Variants in RAD51D observed in about 807,000 individuals in gnomAD.
The protein encoded by RAD51D is DNA repair protein RAD51 homolog 4.
RAD51D carries 38 observed loss-of-function variants against 44.1 expected under a neutral mutation model. The observed-to-expected ratio is 0.86, with a 90% CI of 0.67 to 1.13. RAD51D has a LOEUF of 1.13. Ranked by LOEUF, RAD51D falls within the 50% of genes most tolerant of loss-of-function variation. RAD51D has a pLI of 0.00. For synonymous variants in RAD51D, 141 were observed against 166.6 expected (o/e 0.85, Z 1.18); for missense variants, 390 against 414.0 (o/e 0.94, Z 0.50).
In RAD51D at chr17:35,098,820, C is replaced by G. The variant is rs2091505319; in HGVS notation, c.*2133G>C. ...CCTTTTTGAGCCTCAGGTACCTTCT[C>G]TGTTAAGTAACAGGATGGGCCAGAT... On this transcript the variant is annotated 3_prime_UTR_variant, in exon 10 of 10. Coordinates refer to ENST00000345365, the MANE Select transcript of RAD51D (RefSeq NM_002878.4). 6.6e-6 allele frequency: 1 copy of G among 152,062 alleles called. No individual in the cohort carries two copies. The highest frequency in any genetic ancestry group is 1.5e-5 in the Non-Finnish European group (1 of 68,062). 9.4% of individuals were successfully genotyped at this position (152,062 alleles called of 1,614,324 possible).
chr17:35,114,145 G>A (rs1322564159), intron 3 of RAD51D, among the ~76,000 whole-genome samples: 6 of 152,024 alleles, frequency 3.9e-5, no homozygotes, highest in Non-Finnish European at 7.4e-5. Context: ...GGTGGCGGGC[G>A]CCTGTAGTCC....
intron 6 of RAD51D, 116 bp downstream of exon 6, chr17:35,106,270 T>C: frequency 1.2e-6 from 1 of 850,088 alleles, no homozygotes; most frequent in East Asian, 2.4e-5. Flanking sequence ...CAAGCATAGT[T>C]GGAGTCACCA....
rs1597852192 is a variant in RAD51D at position 35,096,376 on chromosome 17, C to G, written c.*4577G>C. On this transcript the variant is annotated 3_prime_UTR_variant, in exon 10 of 10. Transcript: ENST00000345365. ...TTTAAAGGACACACAGGAGGCGATCCTTCTCCTGCCTGTAGATATTGTCAC... is the reference window on the plus strand; with the variant it reads ...TTTAAAGGACACACAGGAGGCGATCGTTCTCCTGCCTGTAGATATTGTCAC... 6.6e-6 allele frequency: 1 copy of G among 152,126 alleles called. No individual in the cohort carries two copies. The highest frequency in any genetic ancestry group is 2.4e-5 in the African/African-American group (1 of 41,424). The allele number at this position is 152,126 out of a possible 1,614,324, so 9.4% of individuals were successfully genotyped here.
chr17:35,114,651 C>T (rs1321313004), intron 3 of RAD51D, among the ~76,000 whole-genome samples: 1 of 152,000 alleles, frequency 6.6e-6, no homozygotes, highest in Non-Finnish European at 1.5e-5. Flanking sequence ...GATTGTGCAC[C>T]ACTGCACTCC....
At chr17:35,113,504 G>C (rs781635281) in intron 3 of RAD51D, 1 of 384,972 alleles carries the variant, frequency 2.6e-6, no homozygotes, top group South Asian at 1.9e-5. Flanking sequence ...CCTGACCTCA[G>C]GTGACCCACT....
chr17:35,100,702 C>T lies in RAD51D; in HGVS notation c.*251G>A, dbSNP rs1289209596. 2 of 626,426 alleles carry T rather than the reference C, an allele frequency of 3.2e-6. No homozygotes were observed. The highest frequency in any genetic ancestry group is 5.9e-6 in the Non-Finnish European group (2 of 341,730). The allele number at this position is 626,426 out of a possible 1,614,324, so 38.8% of individuals were successfully genotyped here. ...GAACTTGGTTTCCACCAGAAACATACACGTTAGAAATAAGGGAAGGAAACG... is the reference window on the plus strand; with the variant it reads ...GAACTTGGTTTCCACCAGAAACATATACGTTAGAAATAAGGGAAGGAAACG... On this transcript the variant is annotated 3_prime_UTR_variant, in exon 10 of 10. Coordinates refer to ENST00000345365, the MANE Select transcript of RAD51D (RefSeq NM_002878.4).
intron 8 of RAD51D, among the ~76,000 whole-genome samples, chr17:35,102,192 T>G (rs1428035957): frequency 6.6e-6 from 1 of 151,676 alleles, no homozygotes; most frequent in Non-Finnish European, 1.5e-5. Flanking sequence ...GTTTGTTTGT[T>G]TTTGAGATGA....
rs549511729 is a variant in RAD51D at position 35,109,025 on chromosome 17, C to T, written c.264-1578G>A. Among the ~76,000 whole-genome samples, 554 of 152,164 alleles carry T rather than the reference C, an allele frequency of 3.6e-3. 4 individuals are homozygous for T. Among genetic ancestry groups the T allele is most frequent in the African/African-American group, 0.012 (502 of 41,514 alleles). On this transcript the variant is annotated intron_variant, in intron 3 of 9. Coordinates refer to ENST00000345365, the MANE Select transcript of RAD51D (RefSeq NM_002878.4). ...GGGATTACAGGCGCCCACCACCACA[C>T]CTGGATAATTTTTGTATTTTTAGTA...
rs1404561973 is a variant in RAD51D at position 35,098,126 on chromosome 17, C to T, written c.*2827G>A. On this transcript the variant is annotated 3_prime_UTR_variant, in exon 10 of 10. Coordinates refer to ENST00000345365, the MANE Select transcript of RAD51D (RefSeq NM_002878.4). Reference sequence around the variant, plus strand: ...TGGTCTCAAGTAGCAGTGAATGCAACACCTTCCCATGGCCACAGAAACTCC... The same window carrying T: ...TGGTCTCAAGTAGCAGTGAATGCAATACCTTCCCATGGCCACAGAAACTCC... 1.3e-5 allele frequency: 2 copies of T among 152,332 alleles called. No individual in the cohort carries two copies. The highest frequency in any genetic ancestry group is 2.9e-5 in the Non-Finnish European group (2 of 68,148). The allele number at this position is 152,332 out of a possible 1,614,324, so 9.4% of individuals were successfully genotyped here.
intron 3 of RAD51D, among the ~76,000 whole-genome samples, chr17:35,108,348 T>A (rs1266259251): frequency 2.6e-5 from 4 of 151,730 alleles, no homozygotes; most frequent in Non-Finnish European, 5.9e-5. Flanking sequence ...TTCACCTGGT[T>A]TACCTTAATA....
At chr17:35,114,899 G>C (rs750998889) in intron 3 of RAD51D, among the ~76,000 whole-genome samples, 5 of 152,140 alleles carry the variant, frequency 3.3e-5, no homozygotes, top group Admixed American at 1.3e-4. Context: ...AATATCTCAA[G>C]TTTCCCAGAT....
chr17:35,104,375 T>C (rs1416855782), intron 6 of RAD51D, among the ~76,000 whole-genome samples: 1 of 152,198 alleles, frequency 6.6e-6, no homozygotes, highest in African/African-American at 2.4e-5. Context: ...CTTCCGTATC[T>C]AAAATGCCTC....
Position 35,115,118 on chromosome 17 carries a change from A to C in RAD51D, c.263+3383T>G, listed in dbSNP as rs570299138. Among the ~76,000 whole-genome samples the C allele has an allele frequency of 9.2e-5, 14 of 152,282 alleles. No individual in the cohort carries two copies. In the South Asian group the frequency reaches 2.9e-3, roughly 32 times the overall value. ...CCCATCACCTTTAACTCCGCATGTC[A>C]ACAGGGAGAGACCCCTGTCTTGCCC... is the stretch of plus-strand genomic sequence containing the variant. On this transcript the variant is annotated intron_variant, in intron 3 of 9. Transcript: ENST00000345365.
In RAD51D at chr17:35,103,328, C is replaced by T. The variant is rs1001440122; in HGVS notation, c.668-4G>A. 6.2e-7 allele frequency: 1 copy of T among 1,612,164 alleles called. No individual in the cohort carries two copies. Among genetic ancestry groups the T allele is most frequent in the African/African-American group, 1.3e-5 (1 of 74,900 alleles). On this transcript the variant is annotated splice_polypyrimidine_tract_variant and splice_region_variant and intron_variant, in intron 7 of 9. Coordinates refer to ENST00000345365, the MANE Select transcript of RAD51D (RefSeq NM_002878.4). This position sits in a 1 kb window ranked among gnomAD's most constrained non-coding sequence, Gnocchi z 4.1. ...AGCTGCATCATCAAGGCCAAGCCTGCAGGAGGAGGAGAAGCAGAGAGGGAG... is the reference window on the plus strand; with the variant it reads ...AGCTGCATCATCAAGGCCAAGCCTGTAGGAGGAGGAGAAGCAGAGAGGGAG...
intron 3 of RAD51D, among the ~76,000 whole-genome samples, chr17:35,108,963 T>A (rs1033984473): frequency 2.0e-5 from 3 of 150,960 alleles, no homozygotes; most frequent in African/African-American, 7.3e-5. Flanking sequence ...ACCTCCCAGG[T>A]TCAAGCAGTT....
Position 35,119,169 on chromosome 17 carries a change from A to G in RAD51D, c.86T>C (p.Val29Ala), listed in dbSNP as rs1567735899. 1 of 1,613,680 alleles carries G rather than the reference A, an allele frequency of 6.2e-7. No individual in the cohort carries two copies. The highest frequency in any genetic ancestry group is 1.6e-4 in the Middle Eastern group (1 of 6,062). Residue 29 changes from valine (V) to alanine (A), a missense_variant, in exon 2 of 10, where the codon GTG (valine) becomes GCG (alanine). Val to Ala is a moderately conservative substitution (Grantham distance 64). Transcript: ENST00000345365. ...TTCCAGGTCTGCAGAAACCAGGTCC[A>G]CCACTGAAAACAAAACACGTATAGC... ...LLRSHRIKTV[V>A]DLVSADLEEV... is the part of the protein sequence containing the mutation.
intron 6 of RAD51D, chr17:35,106,069 G>A (rs1027617819): frequency 2.0e-5 from 10 of 504,604 alleles, no homozygotes; most frequent in Non-Finnish European, 3.9e-5. Context: ...ATGTCCTCAA[G>A]CTTCAAGTCT....
rs768197423 is a variant in RAD51D, at chr17:35,107,061, T to C, written c.407A>G (p.Asp136Gly). The C allele has an allele frequency of 5.0e-6, 8 of 1,613,952 alleles. No homozygotes were observed. In the Admixed American group the frequency reaches 1.3e-4, roughly 27 times the overall value. ...HGLQQNVLYVDSNGGLTASRL... is the reference protein window; with the variant it reads ...HGLQQNVLYVGSNGGLTASRL... Reference sequence around the variant, plus strand: ...GGAAGCTGTCAGCCCTCCATTGGAATCTACATATAGGACGTTTTGCTGCAG... The same window carrying C: ...GGAAGCTGTCAGCCCTCCATTGGAACCTACATATAGGACGTTTTGCTGCAG... The change falls in exon 5 of 10, where the codon GAT becomes GGT. Residue 136 changes from aspartate (D) to glycine (G), a missense_variant. Coordinates refer to ENST00000345365, the MANE Select transcript of RAD51D (RefSeq NM_002878.4).
At chr17:35,108,809 AAAGTT>A (rs2091641284) in intron 3 of RAD51D, among the ~76,000 whole-genome samples, 1 of 152,008 alleles carries the variant, frequency 6.6e-6, no homozygotes, top group African/African-American at 2.4e-5. Flanking sequence ...TTTCAAGAAC[AAAGTT>A]ATGTACATAG....
Sources: allele counts gnomAD v4.1 joint callset (sites outside exome capture counted in the v4.1 genomes callset), GRCh38; gene constraint gnomAD v4.1.1; non-coding constraint Gnocchi (gnomAD v3.1); transcripts MANE v1.5; gene names NCBI Gene and HGNC (gene_info 2026-07-23, HGNC 2026-07-21).